Variants in RTTN observed in about 807,000 individuals in gnomAD.
RTTN encodes rotatin.
RTTN carries 182 observed loss-of-function variants against 269.2 expected under a neutral mutation model. The observed-to-expected ratio is 0.68, with a 90% CI of 0.60 to 0.76. The LOEUF is 0.76. Ranked by LOEUF, RTTN falls within the 30% of genes least tolerant of loss-of-function variation. The pLI is 0.00. For synonymous variants in RTTN, 1,006 were observed against 963.5 expected (o/e 1.04, Z -0.82); for missense variants, 2,545 against 2,608.6 (o/e 0.98, Z 0.53).
chr18:70,156,515 A>G (rs2060680320), intron 14 of RTTN, among the ~76,000 whole-genome samples: 1 of 151,972 alleles, frequency 6.6e-6, no homozygotes. Flanking sequence ...CCCTGCCTCC[A>G]TTTGCCTTGT....
chr18:70,145,807 CGAACTTTCGT>C, intron 17 of RTTN, 24 bp from the exon 18 acceptor site: 1 of 1,566,490 alleles, frequency 6.4e-7, no homozygotes, highest in South Asian at 1.2e-5. Context: ...GTACTTAAGT[CGAACTTTCGT>C]GATATGCAAA....
intron 32 of RTTN, among the ~76,000 whole-genome samples, chr18:70,085,861 T>C (rs1201560575): frequency 1.3e-5 from 2 of 152,148 alleles, no homozygotes; most frequent in Admixed American, 6.5e-5. Context: ...ATAAATTACC[T>C]AACTGGGTAC....
At position 70,096,009 on chromosome 18, in the gene RTTN, T is replaced by C. The variant is rs192716030; in HGVS notation, c.3904-3205A>G. Among the ~76,000 whole-genome samples the C allele has an allele frequency of 5.0e-3, 767 of 152,180 alleles. 7 individuals are homozygous for C. The highest frequency in any genetic ancestry group is 0.017 in the African/African-American group (720 of 41,526). The stretch of plus-strand genomic sequence containing the variant: ...GCTCATTCCCTTTTGTTTTTTTTTT[T>C]TCTCTAATCTTGTCTTCTTGCTTTA... On this transcript the variant is annotated intron_variant, in intron 28 of 48. Transcript: ENST00000640769.
At chr18:70,123,501 T>C (rs2145579039) in intron 25 of RTTN, among the ~76,000 whole-genome samples, 1 of 152,254 alleles carries the variant, frequency 6.6e-6, no homozygotes, top group African/African-American at 2.4e-5. Context: ...CATATCCACC[T>C]GCCACTTGCC....
At chr18:70,184,716 T>TTTTTTGTGTG (rs59000945) in intron 10 of RTTN, among the ~76,000 whole-genome samples, 35 of 33,434 alleles carry the variant, frequency 1.0e-3, no homozygotes, top group African/African-American at 1.7e-3. Flanking sequence ...TTTTTTTTTT[T>TTTTTTGTGTG]TGTGTGTGTG....
At chr18:70,129,123 G>T (rs1162610347) in intron 23 of RTTN, 1 of 151,996 alleles carries the variant, frequency 6.6e-6, no homozygotes, top group Admixed American at 6.6e-5. Context: ...AATAAAAACA[G>T]ATTCAATAGC....
intron 16 of RTTN, among the ~76,000 whole-genome samples, 190 bp from the exon 17 acceptor site, chr18:70,149,227 TACAC>T (rs1402276974): frequency 6.6e-6 from 1 of 152,086 alleles, no homozygotes; most frequent in Non-Finnish European, 1.5e-5. Context: ...TAAAAGAAAA[TACAC>T]ATACATACAG....
chr18:70,020,467 A>C, intron 45 of RTTN, 148 bp downstream of exon 45: 1 of 748,036 alleles, frequency 1.3e-6, no homozygotes, highest in Non-Finnish European at 2.2e-6. Context: ...GGCTTTAAAC[A>C]AAGTGAACCT....
At chr18:70,081,203 G>C (rs2058558723) in intron 32 of RTTN, among the ~76,000 whole-genome samples, 1 of 152,196 alleles carries the variant, frequency 6.6e-6, no homozygotes, top group East Asian at 1.9e-4. Flanking sequence ...AGGGATAAAA[G>C]ATACAAACTG....
At chr18:70,029,975 C>A in intron 42 of RTTN, 37 bp downstream of exon 42, 1 of 1,423,940 alleles carries the variant, frequency 7.0e-7, no homozygotes, top group South Asian at 1.2e-5. Context: ...GGAGAATGGT[C>A]TCTATATATA....
At chr18:70,160,948 T>C (rs973063092) in intron 14 of RTTN, among the ~76,000 whole-genome samples, 1 of 152,230 alleles carries the variant, frequency 6.6e-6, no homozygotes. Flanking sequence ...TTCAACACTA[T>C]TCTTATCAAA....
At chr18:70,072,348 T>C (rs1022741323) in intron 34 of RTTN, among the ~76,000 whole-genome samples, 22 of 152,108 alleles carry the variant, frequency 1.4e-4, no homozygotes, top group African/African-American at 5.3e-4. Flanking sequence ...AAAGATTCCA[T>C]TGGTATATAT....
intron 21 of RTTN, among the ~76,000 whole-genome samples, chr18:70,136,280 G>A (rs1461427): frequency 0.8 from 121,170 of 152,036 alleles, 52,288 homozygotes; most frequent in East Asian, 1. Flanking sequence ...AACAACACTT[G>A]AAACACAGGA....
chr18:70,127,652 G>T lies in RTTN; in HGVS notation c.3233C>A (p.Ser1078Tyr), dbSNP rs2059900221. The T allele has an allele frequency of 2.0e-5, 32 of 1,613,488 alleles. No homozygotes were observed. The highest frequency in any genetic ancestry group is 2.6e-5 in the Non-Finnish European group (31 of 1,179,724). ...MASGLQDCLHSIVQAATHREV... is the reference protein window; with the variant it reads ...MASGLQDCLHYIVQAATHREV... ...CCTGTGGGTTGCAGCCTGAACAATG[G>T]AATGGAGGCAGTCCTGCAGCCCACT... The change falls in exon 25 of 49, where the codon TCC becomes TAC. Residue 1078 changes from serine to tyrosine, a missense_variant. Physicochemically the swap from Ser to Tyr is moderately radical, Grantham distance 144 (BLOSUM62 -2). Transcript: ENST00000640769.
chr18:70,040,110 C>T (rs547389523), intron 40 of RTTN, among the ~76,000 whole-genome samples: 1 of 152,116 alleles, frequency 6.6e-6, no homozygotes, highest in East Asian at 1.9e-4. Flanking sequence ...GAAGGCAGTC[C>T]CTACTTGTCA....
intron 11 of RTTN, among the ~76,000 whole-genome samples, chr18:70,174,926 G>C (rs1413042570): frequency 2.7e-5 from 4 of 150,706 alleles, no homozygotes; most frequent in Non-Finnish European, 5.9e-5. Flanking sequence ...TACTTGGGAG[G>C]CTGAGGAAGG....
Position 70,059,092 on chromosome 18 carries a change from G to A in RTTN, c.4940+758C>T, listed in dbSNP as rs1335460084. Among the ~76,000 whole-genome samples the A allele has an allele frequency of 3.9e-5, 6 of 152,096 alleles. No homozygotes were observed. In the East Asian group the frequency reaches 1.2e-3, roughly 29 times the overall value. Reference sequence around the variant, plus strand: ...TGGGTATGGTTGGCTAGAATAAACTGAACACCAGAAGAAAAGAGAAGTAAT... The same window carrying A: ...TGGGTATGGTTGGCTAGAATAAACTAAACACCAGAAGAAAAGAGAAGTAAT... On this transcript the variant is annotated intron_variant, in intron 36 of 48. Transcript: ENST00000640769.
chr18:70,073,388 G>C (rs1466577003), intron 34 of RTTN, among the ~76,000 whole-genome samples: 9 of 152,142 alleles, frequency 5.9e-5, no homozygotes, highest in Admixed American at 5.2e-4. Context: ...CAAGTATTTA[G>C]AAGTGTGTTT....
chr18:70,075,742 C>T (rs2058412302), intron 32 of RTTN, among the ~76,000 whole-genome samples: 1 of 152,066 alleles, frequency 6.6e-6, no homozygotes, highest in African/African-American at 2.4e-5. Context: ...GCTGCCTAAA[C>T]ACCCCCGTGA....
Sources: allele counts gnomAD v4.1 joint callset (sites outside exome capture counted in the v4.1 genomes callset), GRCh38; gene constraint gnomAD v4.1.1; transcripts MANE v1.5; gene names NCBI Gene and HGNC (gene_info 2026-07-23, HGNC 2026-07-21).